DCC: variants seen among roughly 807,000 people sequenced by gnomAD.
The protein encoded by DCC is DCC netrin 1 receptor.
In DCC, 58 loss-of-function variants were observed where a neutral mutation model predicts 172.5. That is an observed-to-expected ratio of 0.34 (90% CI 0.27 to 0.42). The LOEUF is 0.42. Among genes scored for constraint, DCC ranks in the 10% least tolerant of loss-of-function variants. The probability of loss-of-function intolerance (pLI) is 1.00; values close to 1 mark genes in which losing one functional copy is unlikely to be tolerated. For missense variants in DCC, 1,740 were observed against 1,791.0 expected, an observed-to-expected ratio of 0.97 and a Z score of 0.51; for synonymous variants, 709 against 644.5, an observed-to-expected ratio of 1.10 and a Z score of -1.52.
chr18:52,966,883 T>C lies in DCC; in HGVS notation c.985+41513T>C, dbSNP rs539718031. 2.0e-5 allele frequency among the ~76,000 whole-genome samples: 3 copies of C among 152,328 alleles called. No homozygotes were observed. In the East Asian group the frequency reaches 5.8e-4, roughly 29 times the overall value. On this transcript the variant is annotated intron_variant, in intron 5 of 28. Transcript: ENST00000442544. ...ATGAACCACTTGAATTGAATTTTGCTTTGTAATAGGCTTAAGTCGTTGACA... is the reference window on the plus strand; with the variant it reads ...ATGAACCACTTGAATTGAATTTTGCCTTGTAATAGGCTTAAGTCGTTGACA...
intron 2 of DCC, among the ~76,000 whole-genome samples, chr18:52,811,174 A>G (rs966404196): frequency 1.1e-4 from 16 of 152,260 alleles, no homozygotes; most frequent in Non-Finnish European, 2.2e-4. Context: ...ATCAGCCTAT[A>G]TCACACACAG....
chr18:52,940,110 C>T (rs1437751712), intron 5 of DCC, among the ~76,000 whole-genome samples: 6 of 152,128 alleles, frequency 3.9e-5, no homozygotes, highest in Non-Finnish European at 8.8e-5. Flanking sequence ...GATTCTTAAA[C>T]ACTGCTTTGA....
chr18:52,757,779 C>T (rs927154862), intron 2 of DCC, among the ~76,000 whole-genome samples: 3 of 152,062 alleles, frequency 2.0e-5, no homozygotes, highest in African/African-American at 7.2e-5. Flanking sequence ...TATACATTAC[C>T]TTGTAATGCT....
intron 1 of DCC, among the ~76,000 whole-genome samples, chr18:52,590,552 A>G (rs2033776872): frequency 6.6e-6 from 1 of 152,198 alleles, no homozygotes; most frequent in African/African-American, 2.4e-5. Context: ...TTTCAGAAGC[A>G]CTGGTTTGTC....
At chr18:52,356,386 A>T (rs965956445) in intron 1 of DCC, among the ~76,000 whole-genome samples, 2 of 152,038 alleles carry the variant, frequency 1.3e-5, no homozygotes, top group Non-Finnish European at 2.9e-5. Context: ...TTGGTTCAGG[A>T]TGCCAAAACC....
intron 1 of DCC, among the ~76,000 whole-genome samples, chr18:52,370,903 T>G (rs1023279258): frequency 6.6e-6 from 1 of 152,156 alleles, no homozygotes; most frequent in African/African-American, 2.4e-5. Flanking sequence ...TTTTTGAAAT[T>G]TTTACACCAA....
intron 1 of DCC, among the ~76,000 whole-genome samples, chr18:52,659,142 G>A (rs1170571003): frequency 6.6e-6 from 1 of 152,046 alleles, no homozygotes; most frequent in Non-Finnish European, 1.5e-5. Flanking sequence ...AGAACAAGAA[G>A]GTAAAGCAGA....
chr18:52,695,150 T>A (rs974788978), intron 1 of DCC, among the ~76,000 whole-genome samples: 3 of 152,224 alleles, frequency 2.0e-5, no homozygotes, highest in Non-Finnish European at 4.4e-5. Flanking sequence ...CTGCATTATC[T>A]AGCATCATTC....
intron 13 of DCC, among the ~76,000 whole-genome samples, chr18:53,308,421 AT>A (rs1286359127): frequency 6.6e-6 from 1 of 151,854 alleles, no homozygotes; most frequent in Non-Finnish European, 1.5e-5. Flanking sequence ...TATGATATGT[AT>A]TTTTAATTGC....
intron 1 of DCC, among the ~76,000 whole-genome samples, chr18:52,621,879 G>C (rs2034487020): frequency 6.6e-6 from 1 of 152,096 alleles, no homozygotes; most frequent in Admixed American, 6.6e-5. Context: ...GCCATGAAGG[G>C]GAAAAGCAGC....
At chr18:53,286,227 AC>A (rs2056933938) in intron 12 of DCC, among the ~76,000 whole-genome samples, 1 of 152,068 alleles carries the variant, frequency 6.6e-6, no homozygotes, top group Admixed American at 6.6e-5. Flanking sequence ...CTATGTCACC[AC>A]CCAAATCTCA....
intron 2 of DCC, among the ~76,000 whole-genome samples, chr18:52,863,466 G>T (rs900365265): frequency 6.6e-6 from 1 of 151,656 alleles, no homozygotes; most frequent in African/African-American, 2.4e-5. Flanking sequence ...ATATTTACTA[G>T]CAGACCTACA....
intron 12 of DCC, among the ~76,000 whole-genome samples, chr18:53,259,856 A>T (rs1000091652): frequency 1.3e-5 from 2 of 152,132 alleles, no homozygotes; most frequent in Admixed American, 6.5e-5. Flanking sequence ...ACCAATCAGA[A>T]GTAGATTTGG....
At chr18:52,745,943 G>A (rs1322309369) in intron 1 of DCC, among the ~76,000 whole-genome samples, 1 of 152,186 alleles carries the variant, frequency 6.6e-6, no homozygotes, top group African/African-American at 2.4e-5. Flanking sequence ...ACTAAACCAA[G>A]TGAAGTTAAC....
At chr18:52,997,304 G>A (rs2041497420) in intron 5 of DCC, among the ~76,000 whole-genome samples, 1 of 152,050 alleles carries the variant, frequency 6.6e-6, no homozygotes, top group East Asian at 1.9e-4. Flanking sequence ...CTTTAACACA[G>A]ATGTAGATAG....
chr18:53,492,750 G>A (rs1490605319), intron 26 of DCC, among the ~76,000 whole-genome samples: 3 of 152,290 alleles, frequency 2.0e-5, no homozygotes, highest in South Asian at 2.1e-4. Flanking sequence ...GATGCCTCCA[G>A]CTTTGTTCTT....
chr18:53,375,411 A>G lies in DCC; in HGVS notation c.2360-10632A>G, dbSNP rs2058099997. ...ATGGGAAGAGGAAGGAATTACAAAC[A>G]TCTATAAAAAGATATGCTTCCTCTT... On this transcript the variant is annotated intron_variant, in intron 15 of 28. Coordinates refer to ENST00000442544, the MANE Select transcript of DCC (RefSeq NM_005215.4). Among the ~76,000 whole-genome samples the G allele has an allele frequency of 3.3e-5, 5 of 152,196 alleles. No homozygotes were observed. The South Asian group carries it at 6.2e-4, about 19-fold the overall frequency.
rs762837502 is a variant in DCC, at chr18:53,265,342, G to A, written c.1912-40236G>A. Among the ~76,000 whole-genome samples the A allele has an allele frequency of 3.6e-3, 550 of 152,226 alleles. 9 individuals are homozygous for A. The highest frequency in any genetic ancestry group is 6.4e-3 in the Non-Finnish European group (438 of 68,010). On this transcript the variant is annotated intron_variant, in intron 12 of 28. Transcript: ENST00000442544. ...GGAGAAAAGGTAAACTTTTTTGCAT[G>A]TCATAAATAATTTCTAGGTGATGAG...
chr18:52,848,616 T>G (rs2038931369), intron 2 of DCC, among the ~76,000 whole-genome samples: 1 of 152,232 alleles, frequency 6.6e-6, no homozygotes, highest in South Asian at 2.1e-4. Context: ...GCATGTTTAT[T>G]TACAGTTGTC....
Sources: gnomAD v4.1 joint callset for allele counts (sites outside exome capture counted in the v4.1 genomes callset) on GRCh38, gnomAD v4.1.1 for gene constraint, MANE v1.5 for transcripts, NCBI Gene and HGNC (gene_info 2026-07-23, HGNC 2026-07-21) for gene names.